The following PMFBP1 variants were observed in gnomAD, a reference collection of about 807,000 sequenced individuals.
PMFBP1 encodes the protein polyamine modulated factor 1 binding protein 1.
In PMFBP1, 131 loss-of-function variants were observed where a neutral mutation model predicts 137.8. The observed-to-expected ratio is 0.95, with a 90% CI of 0.82 to 1.10. The LOEUF is 1.10. Among genes scored for constraint, PMFBP1 ranks in the 50% least tolerant of loss-of-function variants. The probability of loss-of-function intolerance (pLI) is 0.00; values close to 1 mark genes in which losing one functional copy is unlikely to be tolerated. For synonymous variants in PMFBP1, 490 were observed against 450.4 expected (o/e 1.09, Z -1.11); for missense variants, 1,199 against 1,175.4 (o/e 1.02, Z -0.29).
At chr16:72,138,781 T>G (rs1213961615) in intron 7 of PMFBP1, among the ~76,000 whole-genome samples, 2 of 151,940 alleles carry the variant, frequency 1.3e-5, no homozygotes, top group African/African-American at 4.8e-5. Context: ...CTCCCAAAGT[T>G]CTGGGGTTAC....
the PMFBP1 span, among the ~76,000 whole-genome samples, chr16:72,235,674 A>G: frequency 6.6e-6 from 1 of 152,040 alleles, no homozygotes; most frequent in South Asian, 2.1e-4. Context: ...ATTTCTTTCA[A>G]AATGATTTGC....
upstream of PMFBP1, among the ~76,000 whole-genome samples, chr16:72,177,832 G>A (rs902812672): frequency 1.3e-5 from 2 of 152,068 alleles, no homozygotes; most frequent in African/African-American, 4.8e-5. Flanking sequence ...CCGTGACTTG[G>A]ACACTTTTAA....
At chr16:72,208,012 C>T in the PMFBP1 span, among the ~76,000 whole-genome samples, 1 of 152,162 alleles carries the variant, frequency 6.6e-6, no homozygotes, top group African/African-American at 2.4e-5. Context: ...GATAGCCAGG[C>T]AGGAGAAGCT....
chr16:72,130,863 A>T (rs1473796665), intron 10 of PMFBP1, 141 bp from the exon 11 acceptor site: 2 of 746,132 alleles, frequency 2.7e-6, no homozygotes, highest in Non-Finnish European at 4.2e-6. Context: ...CCATTTCATG[A>T]TCAGTCCTAA....
At chr16:72,154,101 G>C in intron 4 of PMFBP1, 110 bp downstream of exon 4, 1 of 1,401,520 alleles carries the variant, frequency 7.1e-7, no homozygotes, top group South Asian at 1.4e-5. Flanking sequence ...AAACCTGCTC[G>C]GGATGTTGCA....
At chr16:72,242,353 A>T in the PMFBP1 span, among the ~76,000 whole-genome samples, 2 of 152,374 alleles carry the variant, frequency 1.3e-5, no homozygotes, top group African/African-American at 4.8e-5. Flanking sequence ...AAAATACACC[A>T]AACAAATAAA....
chr16:72,188,725 G>A, the PMFBP1 span, among the ~76,000 whole-genome samples: 1 of 152,188 alleles, frequency 6.6e-6, no homozygotes, highest in African/African-American at 2.4e-5. Flanking sequence ...TGAAGAAGTT[G>A]TGGGAATGGA....
At chr16:72,204,187 C>T in the PMFBP1 span, among the ~76,000 whole-genome samples, 28 of 139,648 alleles carry the variant, frequency 2.0e-4, no homozygotes, top group African/African-American at 4.7e-4. Flanking sequence ...GTTACTCATG[C>T]GCATTTTTTT....
At chr16:72,218,051 G>A in the PMFBP1 span, among the ~76,000 whole-genome samples, 1 of 152,128 alleles carries the variant, frequency 6.6e-6, no homozygotes, top group Admixed American at 6.5e-5. Flanking sequence ...GTGGCTGTTT[G>A]AACAAGATCC....
chr16:72,123,442 T>C (rs1031279322), intron 18 of PMFBP1, 104 bp downstream of exon 18: 1 of 945,550 alleles, frequency 1.1e-6, no homozygotes, highest in East Asian at 2.4e-5. Flanking sequence ...TGGATCTGTT[T>C]TCCAGGAGTG....
chr16:72,133,574 A>G (rs2042580414), intron 9 of PMFBP1, among the ~76,000 whole-genome samples: 1 of 152,048 alleles, frequency 6.6e-6, no homozygotes. Context: ...ATGCAGCTAT[A>G]ACCTCCTAGG....
the PMFBP1 span, among the ~76,000 whole-genome samples, chr16:72,237,356 G>GA: frequency 3.3e-5 from 5 of 151,938 alleles, no homozygotes; most frequent in Non-Finnish European, 5.9e-5. Flanking sequence ...GAAAGGCACT[G>GA]AAAAAAATGC....
chr16:72,122,843 C>A, intron 19 of PMFBP1, 71 bp downstream of exon 19: 4 of 1,459,464 alleles, frequency 2.7e-6, no homozygotes, highest in South Asian at 1.2e-5. Context: ...GGGCTAAAGC[C>A]AGCCCTGGCT....
the PMFBP1 span, among the ~76,000 whole-genome samples, chr16:72,235,494 CT>C: frequency 0.075 from 10,258 of 135,990 alleles, 303 homozygotes; most frequent in Non-Finnish European, 0.098. Flanking sequence ...TTTGGCCATT[CT>C]TTTTTTTTTT....
chr16:72,190,685 G>A, the PMFBP1 span, among the ~76,000 whole-genome samples: 4 of 152,078 alleles, frequency 2.6e-5, no homozygotes, highest in Non-Finnish European at 5.9e-5. Flanking sequence ...GAGAGAGGTG[G>A]GGTTGGGGAG....
At chr16:72,209,105 G>A in the PMFBP1 span, among the ~76,000 whole-genome samples, 1 of 152,202 alleles carries the variant, frequency 6.6e-6, no homozygotes, top group African/African-American at 2.4e-5. Flanking sequence ...CTCAGCCCCG[G>A]TGAGCCCTCT....
the PMFBP1 span, among the ~76,000 whole-genome samples, chr16:72,211,890 G>C: frequency 2.6e-5 from 4 of 152,114 alleles, no homozygotes; most frequent in African/African-American, 9.7e-5. Flanking sequence ...CCAGCTACTA[G>C]AGAGGCTGAA....
upstream of PMFBP1, among the ~76,000 whole-genome samples, chr16:72,181,347 T>C (rs1378357940): frequency 6.6e-6 from 1 of 152,206 alleles, no homozygotes; most frequent in Admixed American, 6.5e-5. Flanking sequence ...GACCTTGGGA[T>C]ACTGCACACT....
intron 3 of PMFBP1, chr16:72,164,486 G>C: frequency 7.0e-7 from 1 of 1,424,478 alleles, no homozygotes; most frequent in Non-Finnish European, 9.3e-7. Context: ...AGGGCAATGA[G>C]CTGTAAATAC....
Sources: allele counts gnomAD v4.1 joint callset (sites outside exome capture counted in the v4.1 genomes callset), GRCh38; gene constraint gnomAD v4.1.1; transcripts MANE v1.5; gene names NCBI Gene and HGNC (gene_info 2026-07-23, HGNC 2026-07-21).